TTN: variants seen among roughly 807,000 people sequenced by gnomAD.
The protein encoded by TTN is titin.
In TTN, 1,525 loss-of-function variants were observed where a neutral mutation model predicts 3,223.0. That is an observed-to-expected ratio of 0.47 (90% CI 0.45 to 0.49). The LOEUF (loss-of-function observed/expected upper bound fraction) is 0.49. TTN is among the 20% of genes least tolerant of loss of function. The probability of loss-of-function intolerance (pLI) is 0.00; values close to 1 mark genes in which losing one functional copy is unlikely to be tolerated. For missense variants in TTN, 40,786 were observed against 43,424.0 expected, an observed-to-expected ratio of 0.94 and a Z score of 5.40; for synonymous variants, 14,094 against 15,161.0, an observed-to-expected ratio of 0.93 and a Z score of 5.17.
rs375443901 is a variant in TTN at position 178,736,017 on chromosome 2, T to C, written c.14429A>G (p.Lys4810Arg). 6 of 1,612,004 alleles carry C rather than the reference T, an allele frequency of 3.7e-6. No homozygotes were observed. The African/African-American group carries it at 8.0e-5, about 22-fold the overall frequency. Reference sequence around the variant, plus strand: ...CACTGTGCAGATGAACTTGGCTGCCTTACCCACAAAAGTTGTAAGGGACTT... The same window carrying C: ...CACTGTGCAGATGAACTTGGCTGCCCTACCCACAAAAGTTGTAAGGGACTT... ...RPKSLTTFVG[K>R]AAKFICTVTG... Residue 4810 changes from lysine (K) to arginine (R), a missense_variant, in exon 50 of 363, where the codon AAG (lysine) becomes AGG (arginine). Coordinates refer to ENST00000589042, the MANE Select transcript of TTN (RefSeq NM_001267550.2).
At chr2:178,727,561 CAT>C in intron 68 of TTN, 22 bp downstream of exon 68, 1 of 1,540,350 alleles carries the variant, frequency 6.5e-7, no homozygotes, top group Non-Finnish European at 8.7e-7. Flanking sequence ...CAGACAGAAA[CAT>C]AAAGGAATCA....
chr2:178,732,286 G>A lies in TTN; in HGVS notation c.16683C>T (p.Thr5561=), dbSNP rs368703951. 1.4e-5 allele frequency: 22 copies of A among 1,613,188 alleles called. No homozygotes were observed. The highest frequency in any genetic ancestry group is 1.7e-5 in the Non-Finnish European group (20 of 1,179,510). ...PSQLLKKGDA[T]QLACKVTGTP... ...TACCAGTTACTTTGCAGGCTAGCTG[G>A]GTGGCATCTCCCTTCTTTAACAGCT... is the stretch of plus-strand genomic sequence containing the variant. Residue 5561 remains threonine (T), a synonymous_variant, in exon 57 of 363, where the codon ACC becomes ACT. Transcript: ENST00000589042.
At position 178,597,553 on chromosome 2, in the gene TTN, T is replaced by G. The variant is rs1338580543; in HGVS notation, c.57529A>C (p.Ile19177Leu). The G allele has an allele frequency of 6.2e-7, 1 of 1,611,920 alleles. No homozygotes were observed. The highest frequency in any genetic ancestry group is 2.2e-5 in the East Asian group (1 of 44,552). Residue 19177 changes from isoleucine to leucine, a missense_variant, in exon 294 of 363, where the codon ATT becomes CTT. Coordinates refer to ENST00000589042, the MANE Select transcript of TTN (RefSeq NM_001267550.2). ...AAGTATTTACCTAATACATCAACAA[T>G]AATTGTCTTCTTTCTTTCTCCGGCT... Reference protein sequence around the residue: ...NEAGERKKTIIVDVLDVPGPV... With the variant: ...NEAGERKKTILVDVLDVPGPV...
chr2:178,734,623 G>T lies in TTN; in HGVS notation c.15218-17C>A. On this transcript the variant is annotated splice_polypyrimidine_tract_variant and intron_variant, in intron 51 of 362. Transcript: ENST00000589042. Reference sequence around the variant, plus strand: ...AAGGAGGTTCTACAAAAGCATGAAAGCATTGTGTAAGTAATGGGTAATAAG... The same window carrying T: ...AAGGAGGTTCTACAAAAGCATGAAATCATTGTGTAAGTAATGGGTAATAAG... The T allele has an allele frequency of 1.3e-6, 2 of 1,560,734 alleles. No individual in the cohort carries two copies. The highest frequency in any genetic ancestry group is 8.7e-7 in the Non-Finnish European group (1 of 1,154,428).
chr2:178,637,425 A>G lies in TTN; in HGVS notation c.40877-6T>C. The G allele has an allele frequency of 6.8e-7, 1 of 1,474,114 alleles. No homozygotes were observed. The allele number at this position is 1,474,114 out of a possible 1,614,324, so 91.3% of individuals were successfully genotyped here. A position where few individuals can be genotyped will look rare whatever the true frequency, so the allele number is the denominator to read the frequency against. On this transcript the variant is annotated splice_polypyrimidine_tract_variant and splice_region_variant and intron_variant, in intron 223 of 362. Coordinates refer to ENST00000589042, the MANE Select transcript of TTN (RefSeq NM_001267550.2). ...TTCCTTAGGTGCTTTGGCTTCTGAA[A>G]TAAAAATAAAACTCAGCATTTAAAC...
chr2:178,604,652 T>C, intron 281 of TTN, 56 bp downstream of exon 281: 2 of 1,494,434 alleles, frequency 1.3e-6, no homozygotes, highest in Non-Finnish European at 1.8e-6. Flanking sequence ...TAAAATGGCA[T>C]CAAACCAGAG....
chr2:178,770,011 A>T, intron 36 of TTN, 49 bp downstream of exon 36: 1 of 1,614,190 alleles, frequency 6.2e-7, no homozygotes, highest in Non-Finnish European at 8.5e-7. Flanking sequence ...ACAAATAGAT[A>T]CATGGGGTTC....
intron 326 of TTN, 107 bp downstream of exon 326, chr2:178,559,204 G>A: frequency 2.8e-6 from 3 of 1,064,438 alleles, no homozygotes; most frequent in East Asian, 4.8e-5. Flanking sequence ...TGTGAAGGGT[G>A]TGAACCCAAA....
chr2:178,551,188 C>A lies in TTN; in HGVS notation c.91343G>T (p.Arg30448Leu). 6.2e-7 allele frequency: 1 copy of A among 1,613,514 alleles called. No individual in the cohort carries two copies. The highest frequency in any genetic ancestry group is 8.5e-7 in the Non-Finnish European group (1 of 1,179,654). Reference sequence around the variant, plus strand: ...GCCCACAATCTTACTGCCTCCATCACGCAATGGTGGGTTCCATTTAAGTGT... The same window carrying A: ...GCCCACAATCTTACTGCCTCCATCAAGCAATGGTGGGTTCCATTTAAGTGT... ...TITLKWNPPL[R>L]DGGSKIVGYS... Residue 30448 changes from arginine to leucine, a missense_variant, in exon 336 of 363, where the codon CGT becomes CTT. Transcript: ENST00000589042.
Position 178,561,713 on chromosome 2 carries a change from T to C in TTN, c.84419A>G (p.Tyr28140Cys). The C allele has an allele frequency of 6.2e-7, 1 of 1,610,870 alleles. No individual in the cohort carries two copies. Among genetic ancestry groups the C allele is most frequent in the South Asian group, 1.1e-5 (1 of 90,836 alleles). Residue 28140 changes from tyrosine to cysteine, a missense_variant, in exon 326 of 363, where the codon TAC becomes TGC. Coordinates refer to ENST00000589042, the MANE Select transcript of TTN (RefSeq NM_001267550.2). ...CAENRYGKSSYSESSAVVAEY... is the reference protein window; with the variant it reads ...CAENRYGKSSCSESSAVVAEY... Reference sequence around the variant, plus strand: ...TGCAACAACAGCTGAAGATTCACTGTAGGAGCTCTTTCCATAGCGGTTTTC... The same window carrying C: ...TGCAACAACAGCTGAAGATTCACTGCAGGAGCTCTTTCCATAGCGGTTTTC...
chr2:178,670,609 A>G (rs1020791677), intron 156 of TTN, among the ~76,000 whole-genome samples: 5 of 151,990 alleles, frequency 3.3e-5, no homozygotes, highest in Non-Finnish European at 7.4e-5. Flanking sequence ...ACTTACGCAC[A>G]TGCTTCAGAG....
At chr2:178,679,189 G>A in intron 142 of TTN, 150 bp downstream of exon 142, 3 of 763,248 alleles carry the variant, frequency 3.9e-6, no homozygotes, top group Admixed American at 2.8e-5. Flanking sequence ...ATGAATACCG[G>A]GTAAACTGCT....
In TTN at chr2:178,575,151, G is replaced by A. The variant is rs763795097; in HGVS notation, c.70981C>T (p.Pro23661Ser). 1.2e-6 allele frequency: 2 copies of A among 1,612,734 alleles called. No individual in the cohort carries two copies. The highest frequency in any genetic ancestry group is 2.2e-5 in the South Asian group (2 of 90,974). The change falls in exon 326 of 363, where the codon CCG (proline) becomes TCG (serine). Residue 23661 changes from proline to serine, a missense_variant. By Grantham distance (74) the Pro-to-Ser change is moderately conservative. Coordinates refer to ENST00000589042, the MANE Select transcript of TTN (RefSeq NM_001267550.2). This position sits in a 1 kb window ranked among gnomAD's most constrained non-coding sequence, Gnocchi z 4.0. ...IKVEIPVLGR[P>S]KPTVTWKKGD... Reference sequence around the variant, plus strand: ...TTTTTCCATGTCACTGTGGGCTTCGGTCGACCGAGCACTGGAATTTCAACT... The same window carrying A: ...TTTTTCCATGTCACTGTGGGCTTCGATCGACCGAGCACTGGAATTTCAACT...
chr2:178,649,181 C>G (rs2062508724), intron 213 of TTN, 67 bp downstream of exon 213: 1 of 1,195,568 alleles, frequency 8.4e-7, no homozygotes, highest in Non-Finnish European at 1.1e-6. Context: ...ATGTTTTTCT[C>G]TAAGACCTAT....
In TTN at chr2:178,749,229, T is replaced by C. The variant is rs192308954; in HGVS notation, c.11311+3895A>G. The C allele has an allele frequency of 3.7e-6, 6 of 1,611,710 alleles. No individual in the cohort carries two copies. The South Asian group carries it at 4.4e-5, about 12-fold the overall frequency. Reference sequence around the variant, plus strand: ...AAATTATTTCTTATTTCTTTCTTAATAGTGACATCACTGAAATCATCAACA... The same window carrying C: ...AAATTATTTCTTATTTCTTTCTTAACAGTGACATCACTGAAATCATCAACA... On this transcript the variant is annotated intron_variant, in intron 47 of 362. Transcript: ENST00000589042.
rs779919892 is a variant in TTN at position 178,614,773 on chromosome 2, T to C, written c.48761-20A>G. 1 of 1,603,040 alleles carries C rather than the reference T, an allele frequency of 6.2e-7. No individual in the cohort carries two copies. The highest frequency in any genetic ancestry group is 1.3e-5 in the African/African-American group (1 of 74,460). ...GGGCCTCTGAATTGGAAAAGATTAT[T>C]TATGATGTTATCAAGTTCAAGCAGA... On this transcript the variant is annotated intron_variant, in intron 260 of 362. Transcript: ENST00000589042.
At chr2:178,622,035 G>A in intron 243 of TTN, 27 bp from the exon 244 acceptor site, 1 of 1,567,418 alleles carries the variant, frequency 6.4e-7, no homozygotes, top group Non-Finnish European at 8.7e-7. Flanking sequence ...TAGATTATCA[G>A]TTTTCTTGTT....
At position 178,531,524 on chromosome 2, in the gene TTN, C is replaced by T. The variant is rs552058608; in HGVS notation, c.105091G>A (p.Val35031Met). Residue 35031 changes from valine to methionine, a missense_variant, in exon 358 of 363, where the codon GTG becomes ATG. Transcript: ENST00000589042. ...GEASDYATLD[V>M]TGGDYTTYAS... ...TAGGTGGTATAATCCCCTCCTGTCA[C>T]GTCCAACGTTGCATAGTCAGAAGCT... 61 of 1,613,954 alleles carry T rather than the reference C, an allele frequency of 3.8e-5. No homozygotes were observed. The highest frequency in any genetic ancestry group is 2.4e-4 in the African/African-American group (18 of 75,054).
rs1430552237 is a variant in TTN at position 178,534,195 on chromosome 2, C to T, written c.102420G>A (p.Gly34140=). 1.2e-6 allele frequency: 2 copies of T among 1,613,940 alleles called. No homozygotes were observed. The highest frequency in any genetic ancestry group is 1.7e-6 in the Non-Finnish European group (2 of 1,179,856). The change falls in exon 358 of 363, where the codon GGG becomes GGA. Residue 34140 remains glycine (G), a synonymous_variant. Transcript: ENST00000589042. The part of the protein sequence containing the change: ...VASIEIGPVS[G]QIMHAVGEEG... ...CTTCACCAACTGCATGCATTATCTGCCCAGAAACTGGGCCAATTTCAATGG... is the reference window on the plus strand; with the variant it reads ...CTTCACCAACTGCATGCATTATCTGTCCAGAAACTGGGCCAATTTCAATGG...
Sources: gnomAD v4.1 joint callset for allele counts (sites outside exome capture counted in the v4.1 genomes callset) on GRCh38, gnomAD v4.1.1 for gene constraint, Gnocchi (gnomAD v3.1) non-coding constraint, MANE v1.5 for transcripts, NCBI Gene and HGNC (gene_info 2026-07-23, HGNC 2026-07-21) for gene names.